The following L3MBTL4 variants were observed in gnomAD, a reference collection of about 807,000 sequenced individuals.
The protein encoded by L3MBTL4 is L3MBTL histone methyl-lysine binding protein 4.
In L3MBTL4, 70 loss-of-function variants were observed where a neutral mutation model predicts 84.5. The ratio of observed to expected loss-of-function variants is 0.83; its 90% confidence interval spans 0.68 to 1.01. The LOEUF is 1.01. Ranked by LOEUF, L3MBTL4 falls within the 50% of genes least tolerant of loss-of-function variation. The pLI is 0.00. For synonymous variants in L3MBTL4, 274 were observed against 259.8 expected (o/e 1.05, Z -0.52); for missense variants, 715 against 754.8 (o/e 0.95, Z 0.62).
At chr18:6,185,859 G>A (rs911437323) in intron 12 of L3MBTL4, among the ~76,000 whole-genome samples, 3 of 152,130 alleles carry the variant, frequency 2.0e-5, no homozygotes, top group Admixed American at 2.0e-4. Context: ...AAATGACTAT[G>A]CCAAGTTCAG....
intron 1 of L3MBTL4, among the ~76,000 whole-genome samples, chr18:6,376,852 A>G (rs1453428272): frequency 6.6e-6 from 1 of 152,196 alleles, no homozygotes; most frequent in African/African-American, 2.4e-5. Context: ...CTGTTGAATG[A>G]ATATCTGAAT....
chr18:6,099,143 T>C (rs1195693438), intron 14 of L3MBTL4, among the ~76,000 whole-genome samples: 1 of 152,144 alleles, frequency 6.6e-6, no homozygotes, highest in Non-Finnish European at 1.5e-5. Flanking sequence ...GGGAAAGCAA[T>C]GCCTTCCCCA....
At chr18:6,131,505 A>G (rs1360406844) in intron 14 of L3MBTL4, among the ~76,000 whole-genome samples, 2 of 152,150 alleles carry the variant, frequency 1.3e-5, no homozygotes, top group African/African-American at 4.8e-5. Context: ...AAAGGTACAT[A>G]TCTATGACAA....
intron 14 of L3MBTL4, among the ~76,000 whole-genome samples, chr18:6,111,132 AAG>A (rs2144095385): frequency 6.6e-6 from 1 of 152,312 alleles, no homozygotes; most frequent in Admixed American, 6.5e-5. Flanking sequence ...AAAAGAGAAT[AAG>A]ATGGAGCCGG....
chr18:6,270,238 C>A (rs2048809375), intron 4 of L3MBTL4, among the ~76,000 whole-genome samples: 1 of 152,204 alleles, frequency 6.6e-6, no homozygotes, highest in Non-Finnish European at 1.5e-5. Flanking sequence ...ATTTTAGTCC[C>A]TCTGCCAGGT....
intron 12 of L3MBTL4, among the ~76,000 whole-genome samples, chr18:6,174,018 T>C (rs899067271): frequency 6.6e-6 from 1 of 151,982 alleles, no homozygotes; most frequent in African/African-American, 2.4e-5. Context: ...AGTTCACATT[T>C]TGGGGAAAGA....
intron 4 of L3MBTL4, among the ~76,000 whole-genome samples, chr18:6,295,340 CTCTCTCTATATATA>C (rs1258791890): frequency 5.7e-5 from 7 of 122,728 alleles, no homozygotes; most frequent in African/African-American, 2.6e-4. Flanking sequence ...CTCTCTCTCT[CTCTCTCTATATATA>C]TATATATATA....
At chr18:6,217,327 A>G (rs1228087951) in intron 10 of L3MBTL4, among the ~76,000 whole-genome samples, 4 of 152,028 alleles carry the variant, frequency 2.6e-5, no homozygotes, top group African/African-American at 9.7e-5. Flanking sequence ...CTCGCTTCCA[A>G]CCACAGAGAT....
At chr18:6,313,787 A>G (rs2050951964) in intron 1 of L3MBTL4, among the ~76,000 whole-genome samples, 1 of 152,246 alleles carries the variant, frequency 6.6e-6, no homozygotes, top group Non-Finnish European at 1.5e-5. Flanking sequence ...GATTTGTTTA[A>G]AACAGCAAGA....
chr18:6,378,630 G>C (rs994520245), intron 1 of L3MBTL4, among the ~76,000 whole-genome samples: 2 of 152,172 alleles, frequency 1.3e-5, no homozygotes, highest in African/African-American at 4.8e-5. Flanking sequence ...GATGGTTGTA[G>C]ATGTGTGGTG....
At chr18:6,362,344 GAGAAA>G (rs923828603) in intron 1 of L3MBTL4, among the ~76,000 whole-genome samples, 35 of 152,078 alleles carry the variant, frequency 2.3e-4, no homozygotes, top group African/African-American at 7.0e-4. Flanking sequence ...AAGAAAAGAA[GAGAAA>G]AGAAAAGAAA....
At position 6,221,983 on chromosome 18, in the gene L3MBTL4, G is replaced by A. The variant is rs1386587055; in HGVS notation, c.785-6148C>T. ...CACTAATTGTCTTGTATGAAATAGTGGCATGCTGTTCAGTACATGACTCAG... is the reference window on the plus strand; with the variant it reads ...CACTAATTGTCTTGTATGAAATAGTAGCATGCTGTTCAGTACATGACTCAG... On this transcript the variant is annotated intron_variant, in intron 10 of 18. Coordinates refer to ENST00000317931, the MANE Select transcript of L3MBTL4 (RefSeq NM_001330559.2). Among the ~76,000 whole-genome samples the A allele has an allele frequency of 2.6e-5, 4 of 152,270 alleles. No homozygotes were observed. In the South Asian group the frequency reaches 6.2e-4, roughly 24 times the overall value.
At chr18:5,992,687 A>T (rs922586292) in intron 16 of L3MBTL4, among the ~76,000 whole-genome samples, 22 of 152,216 alleles carry the variant, frequency 1.4e-4, no homozygotes, top group African/African-American at 5.3e-4. Flanking sequence ...AGATGTGGTC[A>T]TTTAAAAGTG....
At chr18:5,980,113 T>C (rs538549304) in intron 16 of L3MBTL4, among the ~76,000 whole-genome samples, 1 of 149,810 alleles carries the variant, frequency 6.7e-6, no homozygotes, top group East Asian at 2.1e-4. Flanking sequence ...AGGGCTCCCC[T>C]CATGGAGTGG....
At chr18:5,980,329 T>C (rs897731358) in intron 16 of L3MBTL4, among the ~76,000 whole-genome samples, 2 of 151,968 alleles carry the variant, frequency 1.3e-5, no homozygotes, top group African/African-American at 2.4e-5. Context: ...GAGGCCAGGA[T>C]TCCCCCCAGG....
chr18:6,370,620 C>CA lies in L3MBTL4; in HGVS notation c.-91+44180dup, dbSNP rs1303384887. Among the ~76,000 whole-genome samples, 40 of 152,232 alleles carry CA rather than the reference C, an allele frequency of 2.6e-4. 1 individual carries two copies. The East Asian group carries it at 7.7e-3, about 29-fold the overall frequency. ...CAGAATCACACCCACTACTGGTGGC[C>CA]AAAAGAGATGAAGTCACCTAAGTTA... On this transcript the variant is annotated intron_variant, in intron 1 of 18. Coordinates refer to ENST00000317931, the MANE Select transcript of L3MBTL4 (RefSeq NM_001330559.2).
chr18:6,177,937 A>AT (rs532275115), intron 12 of L3MBTL4, among the ~76,000 whole-genome samples: 1 of 152,070 alleles, frequency 6.6e-6, no homozygotes, highest in Non-Finnish European at 1.5e-5. Context: ...CTGGGGTGCA[A>AT]TTTTTTTATG....
intron 16 of L3MBTL4, among the ~76,000 whole-genome samples, chr18:6,076,796 T>C (rs1386814992): frequency 6.6e-6 from 1 of 152,236 alleles, no homozygotes; most frequent in Non-Finnish European, 1.5e-5. Context: ...AAAATGAGCA[T>C]TAATTAAAGG....
At chr18:6,349,655 G>A (rs140569370) in intron 1 of L3MBTL4, among the ~76,000 whole-genome samples, 15 of 152,246 alleles carry the variant, frequency 9.9e-5, no homozygotes, top group African/African-American at 3.6e-4. Flanking sequence ...AGGGGATTGA[G>A]GCTGCAGTGA....
Sources: allele counts gnomAD v4.1 joint callset (sites outside exome capture counted in the v4.1 genomes callset), GRCh38; gene constraint gnomAD v4.1.1; transcripts MANE v1.5; gene names NCBI Gene and HGNC (gene_info 2026-07-23, HGNC 2026-07-21).